The following NECTIN1 variants were observed in gnomAD, a reference collection of about 807,000 sequenced individuals.
NECTIN1 encodes nectin-1.
NECTIN1 carries 23 observed loss-of-function variants against 48.0 expected under a neutral mutation model. The ratio of observed to expected loss-of-function variants is 0.48; its 90% CI spans 0.34 to 0.68. The LOEUF (loss-of-function observed/expected upper bound fraction) is 0.68, where lower values mean the gene tolerates loss of function less well. Among genes scored for constraint, NECTIN1 ranks in the 30% least tolerant of loss-of-function variants. The probability of loss-of-function intolerance (pLI) is 0.01; values close to 1 mark genes in which losing one functional copy is unlikely to be tolerated. For synonymous variants in NECTIN1, 270 were observed against 288.9 expected (o/e 0.93, Z 0.66); for missense variants, 591 against 709.9 (o/e 0.83, Z 1.90).
rs1331499746 is a variant in NECTIN1 at position 119,663,469 on chromosome 11, A to C, written c.*1278T>G. The stretch of plus-strand genomic sequence containing the variant: ...TGAGGACCAGGGGTGGCTGAGCAGG[A>C]GGTGGCCTAGCGGCCCCACCCCCCT... On this transcript the variant is annotated 3_prime_UTR_variant, in exon 6 of 6. Coordinates refer to ENST00000264025, the MANE Select transcript of NECTIN1 (RefSeq NM_002855.5). 1 of 985,386 alleles carries C rather than the reference A, an allele frequency of 1.0e-6. No homozygotes were observed. The highest frequency in any genetic ancestry group is 1.1e-4 in the East Asian group (1 of 8,830). 61.0% of individuals were successfully genotyped at this position (985,386 alleles called of 1,614,324 possible).
intron 1 of NECTIN1, among the ~76,000 whole-genome samples, chr11:119,711,057 T>G (rs1156940663): frequency 9.3e-6 from 1 of 107,896 alleles, no homozygotes; most frequent in Admixed American, 1.1e-4. Context: ...TAAATAGGGT[T>G]GCCAAAAAAA....
intron 1 of NECTIN1, among the ~76,000 whole-genome samples, chr11:119,696,366 G>A (rs528785436): frequency 1.3e-5 from 2 of 152,318 alleles, no homozygotes; most frequent in East Asian, 3.9e-4. Flanking sequence ...CTTCAGCATC[G>A]AAGAGCAGAG....
chr11:119,640,160 AGGAGG>A (rs1864303580), intron 5 of NECTIN1: 3 of 865,912 alleles, frequency 3.5e-6, no homozygotes, highest in Non-Finnish European at 3.6e-6. Flanking sequence ...CTCCAGTTCT[AGGAGG>A]GGCTCCCAGC....
intron 5 of NECTIN1, among the ~76,000 whole-genome samples, chr11:119,648,569 G>T (rs1290195531): frequency 6.6e-6 from 1 of 150,948 alleles, no homozygotes; most frequent in Non-Finnish European, 1.5e-5. Flanking sequence ...GCAGAGCAAC[G>T]GGCCTGAGAC....
chr11:119,686,907 T>G (rs1004696538), intron 1 of NECTIN1, among the ~76,000 whole-genome samples: 3 of 152,264 alleles, frequency 2.0e-5, no homozygotes, highest in Non-Finnish European at 4.4e-5. Context: ...ACCCAGTGCC[T>G]GGCACATGGG....
rs1864678449 is a variant in NECTIN1, at chr11:119,662,216, C to T, written c.*2531G>A. ...GAAGCAAAATGTCCTCATCTCTCTGCTGGGCTAGACCTCCCTTTTGCCAGC... is the reference window on the plus strand; with the variant it reads ...GAAGCAAAATGTCCTCATCTCTCTGTTGGGCTAGACCTCCCTTTTGCCAGC... On this transcript the variant is annotated 3_prime_UTR_variant, in exon 6 of 6. Coordinates refer to ENST00000264025, the MANE Select transcript of NECTIN1 (RefSeq NM_002855.5). This position sits in a 1 kb window ranked among gnomAD's most constrained non-coding sequence, Gnocchi z 5.3. 1.0e-6 allele frequency: 1 copy of T among 985,512 alleles called. No individual in the cohort carries two copies. Among genetic ancestry groups the T allele is most frequent in the Non-Finnish European group, 1.2e-6 (1 of 829,944 alleles). The allele number at this position is 985,512 out of a possible 1,614,324, so 61.0% of individuals were successfully genotyped here.
Position 119,672,152 on chromosome 11 carries a change from G to A in NECTIN1, c.1003+3007C>T, listed in dbSNP as rs1333050519. Among the ~76,000 whole-genome samples the A allele has an allele frequency of 1.3e-5, 2 of 152,236 alleles. No homozygotes were observed. Among genetic ancestry groups the A allele is most frequent in the South Asian group, 4.1e-4 (2 of 4,836 alleles). On this transcript the variant is annotated intron_variant, in intron 5 of 5. Coordinates refer to ENST00000264025, the MANE Select transcript of NECTIN1 (RefSeq NM_002855.5). The surrounding 1 kb of genome is among the most constrained non-coding windows in gnomAD (Gnocchi z 4.3). ...GATGAGCCCGGGCTTCACTGGAAAT[G>A]TGAGTTGGGACAGACGCCCTGCACC...
At chr11:119,688,122 G>A (rs1398956691) in intron 1 of NECTIN1, among the ~76,000 whole-genome samples, 1 of 152,196 alleles carries the variant, frequency 6.6e-6, no homozygotes. Flanking sequence ...TTGACTTCGA[G>A]AAAGGTGCAT....
chr11:119,677,546 C>A lies in NECTIN1; in HGVS notation c.733+9G>T, dbSNP rs777423232. On this transcript the variant is annotated intron_variant, in intron 3 of 5. Coordinates refer to ENST00000264025, the MANE Select transcript of NECTIN1 (RefSeq NM_002855.5). This position sits in a 1 kb window ranked among gnomAD's most constrained non-coding sequence, Gnocchi z 5.4. ...CCCCAGGAGGCCCCTGGCAGCCAGC[C>A]CTGCTCACACTGCACGTTGAGAGTG... 1.2e-6 allele frequency: 2 copies of A among 1,612,440 alleles called. No homozygotes were observed. The highest frequency in any genetic ancestry group is 2.7e-5 in the African/African-American group (2 of 74,966).
chr11:119,695,591 G>A (rs1591472032), intron 1 of NECTIN1, among the ~76,000 whole-genome samples: 1 of 151,160 alleles, frequency 6.6e-6, no homozygotes, highest in Non-Finnish European at 1.5e-5. Context: ...CCAACTCAGG[G>A]ATGGGGGTGC....
intron 1 of NECTIN1, among the ~76,000 whole-genome samples, chr11:119,708,008 G>A (rs1865576234): frequency 1.3e-5 from 2 of 152,230 alleles, no homozygotes; most frequent in Non-Finnish European, 2.9e-5. Context: ...TGTCTAGCAG[G>A]GGCCCCAGAC....
Position 119,663,289 on chromosome 11 carries a change from A to T in NECTIN1, c.*1458T>A. The T allele has an allele frequency of 1.0e-6, 1 of 985,416 alleles. No homozygotes were observed. 61.0% of individuals were successfully genotyped at this position (985,416 alleles called of 1,614,324 possible). On this transcript the variant is annotated 3_prime_UTR_variant, in exon 6 of 6. Coordinates refer to ENST00000264025, the MANE Select transcript of NECTIN1 (RefSeq NM_002855.5). ...CAGATGGAGGAACTGAGGCACTTTG[A>T]GCTGGGGGACTGAGAGGGCTGGGAG...
intron 1 of NECTIN1, among the ~76,000 whole-genome samples, chr11:119,724,011 G>A (rs1392421330): frequency 6.6e-6 from 1 of 152,100 alleles, no homozygotes; most frequent in African/African-American, 2.4e-5. Context: ...TCCAATAAGG[G>A]GGCTCCTGCT....
chr11:119,674,676 A>G (rs1427508055), intron 5 of NECTIN1: 1 of 1,614,230 alleles, frequency 6.2e-7, no homozygotes, highest in Non-Finnish European at 8.5e-7. Flanking sequence ...TGCAGGGCAC[A>G]CAAAGCACTA....
rs1411147427 is a variant in NECTIN1 at position 119,648,261 on chromosome 11, A to G, written c.1004-8249T>C. 3.1e-3 allele frequency among the ~76,000 whole-genome samples: 28 copies of G among 9,178 alleles called. 1 individual carries two copies. The highest frequency in any genetic ancestry group is 5.2e-3 in the African/African-American group (21 of 4,058). The allele number at this position is 9,178 out of a possible 152,430, so 6.0% of individuals were successfully genotyped here. A position where few individuals can be genotyped will look rare whatever the true frequency, so the allele number is the denominator to read the frequency against. Reference sequence around the variant, plus strand: ...TGATAGTGGTGGTGATAGAGGTGGTAATAGTGGTGGTGGTGATGGTGGTGG... The same window carrying G: ...TGATAGTGGTGGTGATAGAGGTGGTGATAGTGGTGGTGGTGATGGTGGTGG... On this transcript the variant is annotated intron_variant, in intron 5 of 7. Coordinates refer to the NECTIN1 transcript ENST00000341398.
intron 5 of NECTIN1, among the ~76,000 whole-genome samples, chr11:119,667,625 C>T (rs566551395): frequency 6.6e-6 from 1 of 152,266 alleles, no homozygotes; most frequent in Admixed American, 6.5e-5. Flanking sequence ...ATGTCCCTTG[C>T]CTTCCCATAC....
At position 119,664,577 on chromosome 11, in the gene NECTIN1, C is replaced by G; in HGVS notation, c.*170G>C. 1 of 1,435,740 alleles carries G rather than the reference C, an allele frequency of 7.0e-7. No homozygotes were observed. The highest frequency in any genetic ancestry group is 1.5e-5 in the South Asian group (1 of 66,086). The allele number at this position is 1,435,740 out of a possible 1,614,324, so 88.9% of individuals were successfully genotyped here. A position where few individuals can be genotyped will look rare whatever the true frequency, so the allele number is the denominator to read the frequency against. On this transcript the variant is annotated 3_prime_UTR_variant, in exon 6 of 6. Transcript: ENST00000264025. ...AGAGGGAGGAAATAAAACACAAAGC[C>G]AAGTCGTGGCTGCCCTGGGCTCCCC...
At chr11:119,688,572 T>A (rs1289687944) in intron 1 of NECTIN1, among the ~76,000 whole-genome samples, 1 of 152,120 alleles carries the variant, frequency 6.6e-6, no homozygotes, top group African/African-American at 2.4e-5. Context: ...GCATCTCCCA[T>A]GGCAGGCAAA....
intron 1 of NECTIN1, among the ~76,000 whole-genome samples, chr11:119,702,616 C>G (rs1040972681): frequency 6.6e-5 from 10 of 152,220 alleles, no homozygotes; most frequent in African/African-American, 2.4e-4. Flanking sequence ...AGCAGAGAAG[C>G]CTCTGACTCC....
Sources: allele counts gnomAD v4.1 joint callset (sites outside exome capture counted in the v4.1 genomes callset), GRCh38; gene constraint gnomAD v4.1.1; non-coding constraint Gnocchi (gnomAD v3.1); transcripts MANE v1.5; gene names NCBI Gene and HGNC (gene_info 2026-07-23, HGNC 2026-07-21).